The following ZBTB16 variants were observed in gnomAD, a reference collection of about 807,000 sequenced individuals.
ZBTB16 encodes the protein zinc finger and BTB domain containing 16, also known as zinc finger and BTB domain-containing protein 16.
A neutral mutation model predicts 56.8 loss-of-function variants in ZBTB16; 8 were observed. The ratio of observed to expected loss-of-function variants is 0.14; its 90% CI spans 0.08 to 0.25. The LOEUF (loss-of-function observed/expected upper bound fraction) is 0.25, where lower values mean the gene tolerates loss of function less well. ZBTB16 is among the 10% of genes least tolerant of loss of function. ZBTB16 has a pLI of 1.00. For synonymous variants in ZBTB16, 363 were observed against 368.5 expected, an observed-to-expected ratio of 0.98 and a Z score of 0.17; for missense variants, 625 against 903.0, an observed-to-expected ratio of 0.69 and a Z score of 3.95.
chr11:114,150,890 A>T (rs1458467593), intron 2 of ZBTB16, among the ~76,000 whole-genome samples: 2 of 152,128 alleles, frequency 1.3e-5, no homozygotes, highest in African/African-American at 2.4e-5. Context: ...CTGTCCCCAC[A>T]TGGGGCCCAA....
In ZBTB16 at chr11:114,217,788, A is replaced by AG. The variant is rs563989146; in HGVS notation, c.1454-24376dup. 3.3e-5 allele frequency among the ~76,000 whole-genome samples: 5 copies of AG among 152,224 alleles called. No homozygotes were observed. In the East Asian group the frequency reaches 9.7e-4, roughly 29 times the overall value. Reference sequence around the variant, plus strand: ...ATGGTGGGGATGAGAGTTGGGGCAAAGGGCACTGCTCAGCAGAGAAGGGCC... The same window carrying AG: ...ATGGTGGGGATGAGAGTTGGGGCAAAGGGGCACTGCTCAGCAGAGAAGGGCC... On this transcript the variant is annotated intron_variant, in intron 4 of 6. Coordinates refer to ENST00000335953, the MANE Select transcript of ZBTB16 (RefSeq NM_006006.6).
chr11:114,212,820 C>T (rs761039980), intron 4 of ZBTB16, among the ~76,000 whole-genome samples: 29 of 152,170 alleles, frequency 1.9e-4, no homozygotes, highest in African/African-American at 6.0e-4. Flanking sequence ...TCGCCTGCCT[C>T]GGAGCAGGCA....
intron 2 of ZBTB16, among the ~76,000 whole-genome samples, chr11:114,102,762 G>T (rs1940658546): frequency 6.6e-6 from 1 of 152,158 alleles, no homozygotes; most frequent in South Asian, 2.1e-4. Flanking sequence ...AATTTTATAG[G>T]CAGGAGAGCC....
chr11:114,252,728 A>C lies in ZBTB16; in HGVS notation c.*2173A>C, dbSNP rs1944937713. Among the ~76,000 whole-genome samples, 1 of 152,082 alleles carries C rather than the reference A, an allele frequency of 6.6e-6. No individual in the cohort carries two copies. ...GTTTAGGGAAGCGGTTTTGGGGAGAAGGATCACGAGGAATGTAGGGAAGCC... is the reference window on the plus strand; with the variant it reads ...GTTTAGGGAAGCGGTTTTGGGGAGACGGATCACGAGGAATGTAGGGAAGCC... On this transcript the variant is annotated 3_prime_UTR_variant, in exon 7 of 7. Transcript: ENST00000335953.
chr11:114,198,597 G>A (rs531446788), intron 4 of ZBTB16, among the ~76,000 whole-genome samples: 4 of 152,234 alleles, frequency 2.6e-5, no homozygotes, highest in Admixed American at 1.3e-4. Context: ...ATTTTTTTAA[G>A]AGCAGCTTTA....
intron 2 of ZBTB16, among the ~76,000 whole-genome samples, chr11:114,115,692 C>T (rs180929787): frequency 3.9e-4 from 59 of 152,238 alleles, no homozygotes; most frequent in African/African-American, 1.3e-3. Flanking sequence ...CTAACAGCCA[C>T]GTATTAAGGT....
intron 2 of ZBTB16, among the ~76,000 whole-genome samples, chr11:114,065,040 A>G (rs1004663159): frequency 6.6e-6 from 1 of 152,042 alleles, no homozygotes; most frequent in Non-Finnish European, 1.5e-5. Context: ...GGAGAATGGG[A>G]GGGTCTGGGG....
chr11:114,248,421 C>A (rs11214913), intron 6 of ZBTB16, among the ~76,000 whole-genome samples: 17,127 of 152,240 alleles, frequency 0.11, 1,040 homozygotes, highest in Middle Eastern at 0.15. Context: ...CACATCATAG[C>A]AATCAGCAGA....
At chr11:114,216,847 C>T (rs796935865) in intron 4 of ZBTB16, among the ~76,000 whole-genome samples, 2 of 152,146 alleles carry the variant, frequency 1.3e-5, no homozygotes, top group South Asian at 4.1e-4. Flanking sequence ...GATGACTAGA[C>T]CCAGTCTCTT....
Position 114,233,075 on chromosome 11 carries a change from GCGCGCGCACACACA to G in ZBTB16, c.1454-9090_1454-9077del, listed in dbSNP as rs1463857492. Among the ~76,000 whole-genome samples the G allele has an allele frequency of 3.1e-4, 11 of 35,694 alleles. 1 individual carries two copies. The highest frequency in any genetic ancestry group is 2.8e-3 in the South Asian group (2 of 726). 23.4% of individuals were successfully genotyped at this position (35,694 alleles called of 152,430 possible). On this transcript the variant is annotated intron_variant, in intron 4 of 6. Transcript: ENST00000335953. ...CTACTGCACATACGCATGCGCGCGC[GCGCGCGCACACACA>G]CACACACACACACACACACACACAC... is the stretch of plus-strand genomic sequence containing the variant.
At chr11:114,159,945 A>C (rs57186236) in intron 3 of ZBTB16, among the ~76,000 whole-genome samples, 1,532 of 114,448 alleles carry the variant, frequency 0.013, 135 homozygotes, top group Non-Finnish European at 0.02. Context: ...GGCGGGGGGG[A>C]GGCGAGCATT....
At chr11:114,100,620 A>G (rs945342051) in intron 2 of ZBTB16, among the ~76,000 whole-genome samples, 1 of 152,226 alleles carries the variant, frequency 6.6e-6, no homozygotes, top group Non-Finnish European at 1.5e-5. Flanking sequence ...CTATGGGCAT[A>G]GAACGGTGTG....
intron 2 of ZBTB16, among the ~76,000 whole-genome samples, chr11:114,103,593 G>A (rs569403936): frequency 5.9e-5 from 9 of 151,796 alleles, no homozygotes; most frequent in Admixed American, 1.3e-4. Context: ...CCTATCTCTC[G>A]GGGGATTAAC....
At chr11:114,108,020 T>C (rs1414567642) in intron 2 of ZBTB16, among the ~76,000 whole-genome samples, 2 of 152,092 alleles carry the variant, frequency 1.3e-5, no homozygotes, top group Non-Finnish European at 2.9e-5. Flanking sequence ...TATTAGTTTG[T>C]ACTCAGGAAG....
rs142408368 is a variant in ZBTB16, at chr11:114,111,873, T to C, written c.1269-44464T>C. On this transcript the variant is annotated intron_variant, in intron 2 of 6. Transcript: ENST00000335953. ...ATTTATTTATCTTGAATGTTTTTGT[T>C]GGCTACTGTTGAGACACATTCTTCC... Among the ~76,000 whole-genome samples the C allele has an allele frequency of 2.6e-5, 4 of 152,336 alleles. No individual in the cohort carries two copies. The East Asian group carries it at 7.7e-4, about 29-fold the overall frequency.
At chr11:114,122,247 T>C (rs923865910) in intron 2 of ZBTB16, among the ~76,000 whole-genome samples, 2 of 152,222 alleles carry the variant, frequency 1.3e-5, no homozygotes, top group Admixed American at 1.3e-4. Flanking sequence ...TGCTTCAGAC[T>C]GCTTTTTATC....
chr11:114,141,686 G>A (rs532736893), intron 2 of ZBTB16, among the ~76,000 whole-genome samples: 49 of 152,118 alleles, frequency 3.2e-4, no homozygotes, highest in Non-Finnish European at 7.1e-4. Context: ...TTGGCAGACA[G>A]GGCTTGTGTC....
intron 3 of ZBTB16, among the ~76,000 whole-genome samples, chr11:114,179,268 A>T (rs1399502938): frequency 8.7e-6 from 1 of 114,966 alleles, no homozygotes. Context: ...GAGAAAGAGC[A>T]AGAGAGAGAG....
intron 5 of ZBTB16, chr11:114,246,684 G>A (rs1591813861): frequency 6.0e-6 from 1 of 167,962 alleles, no homozygotes; most frequent in Non-Finnish European, 1.3e-5. Context: ...GTTCACCAGG[G>A]AGAAAAGAAG....
Sources: gnomAD v4.1 joint callset for allele counts (sites outside exome capture counted in the v4.1 genomes callset) on GRCh38, gnomAD v4.1.1 for gene constraint, MANE v1.5 for transcripts, NCBI Gene and HGNC (gene_info 2026-07-23, HGNC 2026-07-21) for gene names.